The following KCNK13 variants were observed in gnomAD, a reference collection of about 807,000 sequenced individuals.
KCNK13 encodes the protein potassium two pore domain channel subfamily K member 13, also known as potassium channel subfamily K member 13.
Under a neutral mutation model 23.4 loss-of-function variants are expected in KCNK13, and 12 were observed. The ratio of observed to expected loss-of-function variants is 0.51; its 90% CI spans 0.33 to 0.83. The LOEUF is 0.83. KCNK13 is among the 40% of genes least tolerant of loss of function. The pLI, the probability that KCNK13 is intolerant of heterozygous loss-of-function variation, is 0.02. For missense variants in KCNK13, 463 were observed against 556.3 expected, an observed-to-expected ratio of 0.83 and a Z score of 1.69; for synonymous variants, 231 against 229.5, an observed-to-expected ratio of 1.01 and a Z score of -0.06.
intron 1 of KCNK13, among the ~76,000 whole-genome samples, chr14:90,080,477 T>TA (rs1889194744): frequency 1.3e-5 from 2 of 151,554 alleles, no homozygotes; most frequent in South Asian, 2.1e-4. Flanking sequence ...TAAATACATT[T>TA]AAAAAATTGG....
chr14:90,081,054 T>C (rs1186550334), intron 1 of KCNK13, among the ~76,000 whole-genome samples: 1 of 152,262 alleles, frequency 6.6e-6, no homozygotes, highest in East Asian at 1.9e-4. Context: ...TCTTTGGTTC[T>C]CTTCTTTCCG....
intron 1 of KCNK13, among the ~76,000 whole-genome samples, chr14:90,078,146 C>T (rs1034637249): frequency 6.6e-6 from 1 of 152,140 alleles, no homozygotes; most frequent in African/African-American, 2.4e-5. Context: ...AAGGGCCAGG[C>T]ACAGTGGCTC....
At chr14:90,133,041 T>C (rs1348831312) in intron 1 of KCNK13, among the ~76,000 whole-genome samples, 1 of 152,170 alleles carries the variant, frequency 6.6e-6, no homozygotes, top group East Asian at 1.9e-4. Context: ...GACAGGATCA[T>C]TGTAGACAGG....
chr14:90,171,394 T>C (rs1020138271), intron 1 of KCNK13, among the ~76,000 whole-genome samples: 15 of 152,248 alleles, frequency 9.9e-5, no homozygotes, highest in African/African-American at 3.6e-4. Flanking sequence ...ACCTTGATTT[T>C]CATAATTCAT....
intron 1 of KCNK13, among the ~76,000 whole-genome samples, chr14:90,087,284 C>G (rs1889292608): frequency 6.6e-6 from 1 of 151,684 alleles, no homozygotes; most frequent in African/African-American, 2.4e-5. Context: ...CTTGCCCAGG[C>G]CATTATTTCG....
intron 1 of KCNK13, among the ~76,000 whole-genome samples, chr14:90,081,626 T>C (rs72629391): frequency 0.14 from 21,220 of 152,258 alleles, 1,808 homozygotes; most frequent in South Asian, 0.26. Context: ...TATACAATTC[T>C]GTGGTTTTTA....
At chr14:90,127,034 A>G (rs1215421257) in intron 1 of KCNK13, among the ~76,000 whole-genome samples, 1 of 152,180 alleles carries the variant, frequency 6.6e-6, no homozygotes, top group African/African-American at 2.4e-5. Flanking sequence ...AAGAGAGAAA[A>G]GACATTAGGG....
intron 1 of KCNK13, among the ~76,000 whole-genome samples, chr14:90,110,430 A>G (rs1355571658): frequency 6.6e-6 from 1 of 151,382 alleles, no homozygotes; most frequent in African/African-American, 2.4e-5. Context: ...CAGTGAGTCG[A>G]CATCATGCCA....
chr14:90,120,549 G>A (rs895559526), intron 1 of KCNK13, among the ~76,000 whole-genome samples: 5 of 152,126 alleles, frequency 3.3e-5, no homozygotes, highest in African/African-American at 1.2e-4. Flanking sequence ...GTGCCAGCAG[G>A]GAAAATGTCA....
rs1012928976 is a variant in KCNK13 at position 90,185,806 on chromosome 14, A to G, written c.*803A>G. 3 of 152,200 alleles carry G rather than the reference A, an allele frequency of 2.0e-5. No homozygotes were observed. Among genetic ancestry groups the G allele is most frequent in the Non-Finnish European group, 4.4e-5 (3 of 68,034 alleles). The allele number at this position is 152,200 out of a possible 1,614,324, so 9.4% of individuals were successfully genotyped here. On this transcript the variant is annotated 3_prime_UTR_variant, in exon 2 of 2. Coordinates refer to ENST00000282146, the MANE Select transcript of KCNK13 (RefSeq NM_022054.4). The stretch of plus-strand genomic sequence containing the variant: ...GGCTTGGGGACCCAATGCAAAGATG[A>G]TGACTATTTAATAAAATGGAAAATT...
chr14:90,165,756 G>A (rs1251297575), intron 1 of KCNK13, among the ~76,000 whole-genome samples: 1 of 152,108 alleles, frequency 6.6e-6, no homozygotes, highest in Admixed American at 6.5e-5. Flanking sequence ...CTTAAATGAG[G>A]GTAAAATCAG....
intron 1 of KCNK13, among the ~76,000 whole-genome samples, chr14:90,110,975 C>G (rs181895466): frequency 6.6e-6 from 1 of 150,692 alleles, no homozygotes; most frequent in African/African-American, 2.4e-5. Context: ...CGCCATTGCA[C>G]TCCAGCCTGG....
intron 1 of KCNK13, among the ~76,000 whole-genome samples, chr14:90,066,600 G>T (rs1889012445): frequency 6.6e-6 from 1 of 152,066 alleles, no homozygotes; most frequent in South Asian, 2.1e-4. Flanking sequence ...TTTTCTCTTT[G>T]GGATTATATG....
intron 1 of KCNK13, among the ~76,000 whole-genome samples, chr14:90,070,439 G>A (rs1889060555): frequency 6.6e-6 from 1 of 152,148 alleles, no homozygotes; most frequent in African/African-American, 2.4e-5. Context: ...CAGGGGGAAT[G>A]CTGTGTTAAT....
intron 1 of KCNK13, among the ~76,000 whole-genome samples, chr14:90,114,624 GCACATGTAT>G (rs1229808529): frequency 6.6e-6 from 1 of 152,140 alleles, no homozygotes; most frequent in Non-Finnish European, 1.5e-5. Context: ...GTAGATGCTT[GCACATGTAT>G]ATTGCTCCCA....
intron 1 of KCNK13, among the ~76,000 whole-genome samples, chr14:90,087,517 A>G (rs1889295149): frequency 6.6e-6 from 1 of 152,192 alleles, no homozygotes; most frequent in Non-Finnish European, 1.5e-5. Context: ...TTTTGAATGA[A>G]GAGAAAAAGG....
At chr14:90,099,497 G>A (rs1889449848) in intron 1 of KCNK13, among the ~76,000 whole-genome samples, 1 of 152,156 alleles carries the variant, frequency 6.6e-6, no homozygotes, top group Non-Finnish European at 1.5e-5. Flanking sequence ...TTGGCTCCAG[G>A]AGATTGAGGA....
At chr14:90,140,027 C>T (rs755889017) in intron 1 of KCNK13, among the ~76,000 whole-genome samples, 1 of 152,092 alleles carries the variant, frequency 6.6e-6, no homozygotes, top group Non-Finnish European at 1.5e-5. Flanking sequence ...GTGAGGTCTT[C>T]GACTGTGGGG....
intron 1 of KCNK13, among the ~76,000 whole-genome samples, chr14:90,143,627 A>G (rs1461715378): frequency 1.3e-5 from 2 of 152,196 alleles, no homozygotes; most frequent in Non-Finnish European, 1.5e-5. Context: ...ACTTTAGGCA[A>G]ATTAAATTTA....
Sources: allele counts gnomAD v4.1 joint callset (sites outside exome capture counted in the v4.1 genomes callset), GRCh38; gene constraint gnomAD v4.1.1; transcripts MANE v1.5; gene names NCBI Gene and HGNC (gene_info 2026-07-23, HGNC 2026-07-21).